Variants in FHIP1A observed in about 807,000 individuals in gnomAD.
FHIP1A encodes the protein FHF complex subunit HOOK interacting protein 1A.
FHIP1A carries 61 observed loss-of-function variants against 88.6 expected under a neutral mutation model. That is an observed-to-expected ratio of 0.69 (90% CI 0.56 to 0.85). The LOEUF (loss-of-function observed/expected upper bound fraction) is 0.85. FHIP1A is among the 40% of genes least tolerant of loss of function. The probability of loss-of-function intolerance (pLI) is 0.00; values close to 1 mark genes in which losing one functional copy is unlikely to be tolerated. For synonymous variants in FHIP1A, 478 were observed against 496.0 expected (o/e 0.96, Z 0.48); for missense variants, 1,154 against 1,273.5 (o/e 0.91, Z 1.43).
In FHIP1A at chr4:151,662,754, G is replaced by GTT; in HGVS notation, c.3123_*1insTT. 2 of 1,297,800 alleles carry GTT rather than the reference G, an allele frequency of 1.5e-6. No homozygotes were observed. The highest frequency in any genetic ancestry group is 3.5e-5 in the South Asian group (2 of 56,748). 80.4% of individuals were successfully genotyped at this position (1,297,800 alleles called of 1,614,324 possible). A position where few individuals can be genotyped will look rare whatever the true frequency, so the allele number is the denominator to read the frequency against. ...GTGACTTTGAGGACTCCTGCTGTTAGCTTTTTTTTTTTTTTTTAATAGAGG... is the reference window on the plus strand; with the variant it reads ...GTGACTTTGAGGACTCCTGCTGTTAGTTCTTTTTTTTTTTTTTTTAATAGAGG... On this transcript the variant is annotated 3_prime_UTR_variant, in exon 14 of 14. Coordinates refer to ENST00000435205, the MANE Select transcript of FHIP1A (RefSeq NM_001109977.3).
At position 151,440,757 on chromosome 4, in the gene FHIP1A, C is replaced by T. The variant is rs544546736; in HGVS notation, c.-355-13944C>T. Among the ~76,000 whole-genome samples, 219 of 152,232 alleles carry T rather than the reference C, an allele frequency of 1.4e-3. 1 individual carries two copies. The highest frequency in any genetic ancestry group is 4.7e-3 in the African/African-American group (196 of 41,550). Reference sequence around the variant, plus strand: ...TGCTTCAAGTTACCAAAATTTATTACAAAATCATAGCTTCTGTTGGGTATG... The same window carrying T: ...TGCTTCAAGTTACCAAAATTTATTATAAAATCATAGCTTCTGTTGGGTATG... On this transcript the variant is annotated intron_variant, in intron 1 of 13. Transcript: ENST00000435205.
At chr4:151,462,891 A>C (rs1485559039) in intron 2 of FHIP1A, among the ~76,000 whole-genome samples, 1 of 152,210 alleles carries the variant, frequency 6.6e-6, no homozygotes, top group African/African-American at 2.4e-5. Context: ...GAGATGACTT[A>C]GTATTGTATT....
At chr4:151,648,285 G>A (rs1423725514) in intron 10 of FHIP1A, among the ~76,000 whole-genome samples, 3 of 152,274 alleles carry the variant, frequency 2.0e-5, no homozygotes, top group African/African-American at 7.2e-5. Flanking sequence ...GAAAGCAAGT[G>A]AAGACATGTA....
chr4:151,662,637 C>A lies in FHIP1A; in HGVS notation c.3006C>A (p.Asn1002Lys). ...CCAACCTGCCCCTGCCGGTGAGGAACCCCATGCTGGCTGCTGCCCTCTTCC... is the reference window on the plus strand; with the variant it reads ...CCAACCTGCCCCTGCCGGTGAGGAAACCCATGCTGGCTGCTGCCCTCTTCC... ...APPNLPLPVR[N>K]PMLAAALFPE... Residue 1002 changes from asparagine to lysine, a missense_variant, in exon 14 of 14, where the codon AAC (asparagine) becomes AAA (lysine). Physicochemically the swap from Asn to Lys is moderately conservative, Grantham distance 94. Coordinates refer to ENST00000435205, the MANE Select transcript of FHIP1A (RefSeq NM_001109977.3). The A allele has an allele frequency of 3.2e-6, 5 of 1,551,666 alleles. No homozygotes were observed. Among genetic ancestry groups the A allele is most frequent in the Non-Finnish European group, 4.4e-6 (5 of 1,146,990 alleles).
Position 151,638,655 on chromosome 4 carries a change from ATG to A in FHIP1A, c.1147-16_1147-15del, listed in dbSNP as rs1736456435. 2.7e-6 allele frequency: 4 copies of A among 1,462,890 alleles called. No homozygotes were observed. The highest frequency in any genetic ancestry group is 3.7e-6 in the Non-Finnish European group (4 of 1,069,568). The allele number at this position is 1,462,890 out of a possible 1,614,324, so 90.6% of individuals were successfully genotyped here. A position where few individuals can be genotyped will look rare whatever the true frequency, so the allele number is the denominator to read the frequency against. Reference sequence around the variant, plus strand: ...TTATCGTTCCAACATCTGAACTAGAATGTGTGTCTCTTGCTTCCCAGCTTTGT... The same window carrying A: ...TTATCGTTCCAACATCTGAACTAGAATGTGTCTCTTGCTTCCCAGCTTTGT... On this transcript the variant is annotated intron_variant, in intron 8 of 13. Coordinates refer to ENST00000435205, the MANE Select transcript of FHIP1A (RefSeq NM_001109977.3).
intron 2 of FHIP1A, among the ~76,000 whole-genome samples, chr4:151,473,779 G>A (rs1234876078): frequency 6.6e-6 from 1 of 152,066 alleles, no homozygotes; most frequent in African/African-American, 2.4e-5. Flanking sequence ...CTTCCTCCCT[G>A]GTATGAAAGC....
intron 1 of FHIP1A, among the ~76,000 whole-genome samples, chr4:151,422,539 A>G (rs1415381474): frequency 1.3e-5 from 2 of 152,124 alleles, no homozygotes; most frequent in Admixed American, 1.3e-4. Context: ...GGCACAAGCC[A>G]CCACGTCCAG....
At chr4:151,609,575 C>CTT (rs11442404) in intron 7 of FHIP1A, among the ~76,000 whole-genome samples, 4 of 151,406 alleles carry the variant, frequency 2.6e-5, no homozygotes, top group South Asian at 2.1e-4. Context: ...ACATTTGCTT[C>CTT]TTTTTTTTTA....
intron 2 of FHIP1A, among the ~76,000 whole-genome samples, chr4:151,457,094 A>C (rs1326679888): frequency 6.6e-6 from 1 of 152,194 alleles, no homozygotes; most frequent in African/African-American, 2.4e-5. Context: ...CATATCAATA[A>C]ATCTCTGTAA....
chr4:151,417,415 G>A (rs901862579), intron 1 of FHIP1A, among the ~76,000 whole-genome samples: 1 of 152,212 alleles, frequency 6.6e-6, no homozygotes, highest in Non-Finnish European at 1.5e-5. Context: ...TGTGGAAAGT[G>A]ACCAATCAGA....
intron 13 of FHIP1A, among the ~76,000 whole-genome samples, chr4:151,658,569 C>T (rs547055972): frequency 5.3e-5 from 8 of 152,204 alleles, no homozygotes; most frequent in East Asian, 1.9e-4. Context: ...AGCTCAGACT[C>T]GGAGCTCACG....
intron 10 of FHIP1A, among the ~76,000 whole-genome samples, chr4:151,648,148 C>A (rs543989920): frequency 6.6e-6 from 1 of 152,110 alleles, no homozygotes; most frequent in African/African-American, 2.4e-5. Context: ...GTAGCAGAGC[C>A]AAGACTTAGG....
At chr4:151,626,440 C>G (rs942987843) in intron 7 of FHIP1A, among the ~76,000 whole-genome samples, 1 of 152,160 alleles carries the variant, frequency 6.6e-6, no homozygotes, top group South Asian at 2.1e-4. Context: ...AGTCAGGCCT[C>G]TATTCTGGAA....
At chr4:151,546,428 G>A (rs570554899) in intron 3 of FHIP1A, among the ~76,000 whole-genome samples, 4 of 152,174 alleles carry the variant, frequency 2.6e-5, no homozygotes, top group East Asian at 1.9e-4. Context: ...CCATAATTGC[G>A]TGAGCTAAGT....
rs759517112 is a variant in FHIP1A, at chr4:151,668,599, G to A, written c.*5845G>A. Among the ~76,000 whole-genome samples the A allele has an allele frequency of 2.6e-4, 40 of 152,220 alleles. No homozygotes were observed. The highest frequency in any genetic ancestry group is 5.1e-4 in the Non-Finnish European group (35 of 68,038). On this transcript the variant is annotated 3_prime_UTR_variant, in exon 14 of 14. Transcript: ENST00000435205. ...TGTGACCCTGGACAGAGATCAAACA[G>A]CTCCTTTCTAGACCCAGATGACCCA...
chr4:151,533,649 T>G (rs1278892813), intron 3 of FHIP1A, among the ~76,000 whole-genome samples: 1 of 151,876 alleles, frequency 6.6e-6, no homozygotes, highest in Non-Finnish European at 1.5e-5. Flanking sequence ...TGGTGTAGGG[T>G]TTTTTAACTA....
intron 3 of FHIP1A, among the ~76,000 whole-genome samples, chr4:151,548,539 A>AT (rs1004130085): frequency 6.6e-6 from 1 of 152,218 alleles, no homozygotes; most frequent in Non-Finnish European, 1.5e-5. Context: ...CAAAACCAAG[A>AT]TGGCAATGAA....
chr4:151,616,801 G>A (rs1447854686), intron 7 of FHIP1A, among the ~76,000 whole-genome samples: 2 of 152,006 alleles, frequency 1.3e-5, no homozygotes, highest in African/African-American at 4.8e-5. Flanking sequence ...AGGCTGGAGT[G>A]CAGTGGCACA....
At chr4:151,585,552 C>A (rs1734180259) in intron 5 of FHIP1A, among the ~76,000 whole-genome samples, 1 of 152,128 alleles carries the variant, frequency 6.6e-6, no homozygotes, top group Non-Finnish European at 1.5e-5. Flanking sequence ...GTCAGGATCT[C>A]CAAGTTGCTG....
Sources: gnomAD v4.1 joint callset for allele counts (sites outside exome capture counted in the v4.1 genomes callset) on GRCh38, gnomAD v4.1.1 for gene constraint, MANE v1.5 for transcripts, NCBI Gene and HGNC (gene_info 2026-07-23, HGNC 2026-07-21) for gene names.